GABPB2: variants seen among roughly 807,000 people sequenced by gnomAD.
GABPB2 encodes GA-binding protein subunit beta-2.
A neutral mutation model predicts 39.1 loss-of-function variants in GABPB2; 23 were observed. That is an observed-to-expected ratio of 0.59 (90% CI 0.42 to 0.83). The LOEUF (loss-of-function observed/expected upper bound fraction) is 0.83, where lower values mean the gene tolerates loss of function less well. GABPB2 is among the 40% of genes least tolerant of loss of function. GABPB2 has a pLI of 0.00. For missense variants in GABPB2, 467 were observed against 541.1 expected (o/e 0.86, Z 1.36); for synonymous variants, 184 against 199.3 (o/e 0.92, Z 0.65).
intron 6 of GABPB2, among the ~76,000 whole-genome samples, chr1:151,104,074 C>T (rs1558150785): frequency 6.6e-6 from 1 of 152,156 alleles, no homozygotes; most frequent in Non-Finnish European, 1.5e-5. Context: ...ATACATGGGA[C>T]TGGTACCTTT....
At chr1:151,075,708 CA>C (rs781233999) in intron 1 of GABPB2, among the ~76,000 whole-genome samples, 25 of 147,398 alleles carry the variant, frequency 1.7e-4, no homozygotes, top group Non-Finnish European at 3.2e-4. Flanking sequence ...GACTTCATCT[CA>C]AAAAAACCCC....
chr1:151,091,469 A>C (rs1490058912), intron 3 of GABPB2, among the ~76,000 whole-genome samples: 48,451 of 79,858 alleles, frequency 0.61, 15,938 homozygotes, highest in East Asian at 0.83. Flanking sequence ...GTGTCTCAAA[A>C]AAAAAAAAAA....
chr1:151,094,576 T>C (rs1678968220), intron 4 of GABPB2, among the ~76,000 whole-genome samples: 1 of 150,994 alleles, frequency 6.6e-6, no homozygotes, highest in East Asian at 2.0e-4. Context: ...CTTGAACCCC[T>C]GACCTCAGGT....
At chr1:151,101,128 C>T (rs1473605414) in intron 5 of GABPB2, among the ~76,000 whole-genome samples, 1 of 151,874 alleles carries the variant, frequency 6.6e-6, no homozygotes, top group African/African-American at 2.4e-5. Flanking sequence ...TGATGCACAC[C>T]TGTAGTCCCA....
intron 2 of GABPB2, among the ~76,000 whole-genome samples, chr1:151,089,532 C>G (rs1678488079): frequency 6.6e-6 from 1 of 152,216 alleles, no homozygotes; most frequent in Non-Finnish European, 1.5e-5. Flanking sequence ...TCTCATCATT[C>G]ATTTTGCCCT....
chr1:151,076,460 TATTC>T (rs1204275533), intron 1 of GABPB2, among the ~76,000 whole-genome samples: 3 of 152,138 alleles, frequency 2.0e-5, no homozygotes, highest in Admixed American at 6.6e-5. Flanking sequence ...GACAGAGTCT[TATTC>T]AGTCACCTAG....
chr1:151,095,536 C>G (rs1289293191), intron 4 of GABPB2, among the ~76,000 whole-genome samples: 2 of 152,156 alleles, frequency 1.3e-5, no homozygotes, highest in Non-Finnish European at 2.9e-5. Flanking sequence ...TTAGGCCAGG[C>G]AAGGGCCAAT....
chr1:151,080,446 G>A (rs1677572897), intron 1 of GABPB2, among the ~76,000 whole-genome samples: 1 of 151,234 alleles, frequency 6.6e-6, no homozygotes, highest in African/African-American at 2.4e-5. Context: ...AGGAGGCAGA[G>A]GTTGCAGTGA....
At chr1:151,085,893 A>T (rs764976778) in intron 1 of GABPB2, among the ~76,000 whole-genome samples, 3 of 152,092 alleles carry the variant, frequency 2.0e-5, no homozygotes, top group Non-Finnish European at 2.9e-5. Context: ...TTGGGATTCT[A>T]TTGCTATGGA....
chr1:151,080,001 G>A (rs587667470), intron 1 of GABPB2, among the ~76,000 whole-genome samples: 9 of 151,954 alleles, frequency 5.9e-5, no homozygotes, highest in African/African-American at 2.2e-4. Context: ...TGGATCGCGA[G>A]GTCAGGAGTT....
chr1:151,093,294 G>A lies in GABPB2; in HGVS notation c.379G>A (p.Gly127Arg), dbSNP rs1401938313. The change falls in exon 4 of 9, where the codon GGA becomes AGA. Residue 127 changes from glycine (G) to arginine (R), a missense_variant. Gly to Arg is a moderately radical substitution (Grantham distance 125, BLOSUM62 -2). Coordinates refer to ENST00000368918, the MANE Select transcript of GABPB2 (RefSeq NM_144618.3). ...RDVVELLIKY[G>R]ADVHAFSKFD... ...TGTCGTAGAGTTACTTATCAAATAT[G>A]GAGCTGATGTCCATGCTTTCAGCAA... The A allele has an allele frequency of 6.2e-7, 1 of 1,612,850 alleles. No individual in the cohort carries two copies. Among genetic ancestry groups the A allele is most frequent in the South Asian group, 1.1e-5 (1 of 90,724 alleles).
rs587751122 is a variant in GABPB2 at position 151,076,091 on chromosome 1, T to G, written c.-1+5157T>G. ...CTGGAAGATTAAAAGGTGTTCAGTT[T>G]AAGAAAACATTCAGTAAGCTTATCC... On this transcript the variant is annotated intron_variant, in intron 1 of 8. Transcript: ENST00000368918. 5.9e-5 allele frequency among the ~76,000 whole-genome samples: 9 copies of G among 152,306 alleles called. 1 individual carries two copies. In the South Asian group the frequency reaches 1.9e-3, roughly 32 times the overall value.
intron 1 of GABPB2, among the ~76,000 whole-genome samples, chr1:151,087,147 G>A (rs974519946): frequency 4.9e-5 from 7 of 144,148 alleles, no homozygotes; most frequent in Non-Finnish European, 1.1e-4. Flanking sequence ...GAGCCACCGC[G>A]CCCAGCCAAT....
At position 151,074,112 on chromosome 1, in the gene GABPB2, A is replaced by G. The variant is rs1307271970; in HGVS notation, c.-1+3178A>G. Among the ~76,000 whole-genome samples the G allele has an allele frequency of 6.1e-5, 9 of 147,428 alleles. No homozygotes were observed. In the East Asian group the frequency reaches 1.9e-3, roughly 31 times the overall value. ...TGCCTCAGCCTCCTGAGTAGCTGGA[A>G]TTACAGTCACCTGCCACGGCGCCCG... On this transcript the variant is annotated intron_variant, in intron 1 of 8. Transcript: ENST00000368918.
intron 1 of GABPB2, among the ~76,000 whole-genome samples, chr1:151,075,274 C>T (rs895682612): frequency 6.6e-6 from 1 of 151,734 alleles, no homozygotes; most frequent in African/African-American, 2.4e-5. Flanking sequence ...ACTAAAAATA[C>T]AAAAAATTGG....
chr1:151,082,391 TC>T lies in GABPB2; in HGVS notation c.1-5798del, dbSNP rs1180352120. ...TGCGTCTGGCCAACAAGTGGTAATT[TC>T]TTTTTTTTTTTTTTTTTTTTTTTTT... On this transcript the variant is annotated intron_variant, in intron 1 of 8. Coordinates refer to ENST00000368918, the MANE Select transcript of GABPB2 (RefSeq NM_144618.3). 5.0e-3 allele frequency among the ~76,000 whole-genome samples: 602 copies of T among 119,672 alleles called. 15 individuals carry two copies. The highest frequency in any genetic ancestry group is 0.017 in the African/African-American group (544 of 32,550). The allele number at this position is 119,672 out of a possible 152,430, so 78.5% of individuals were successfully genotyped here.
intron 1 of GABPB2, among the ~76,000 whole-genome samples, chr1:151,079,769 G>A (rs1478711867): frequency 2.0e-5 from 3 of 151,936 alleles, no homozygotes; most frequent in Non-Finnish European, 4.4e-5. Flanking sequence ...GGTGACACAT[G>A]CCTGTAATAC....
At chr1:151,108,078 G>A (rs1680111479) in intron 7 of GABPB2, among the ~76,000 whole-genome samples, 1 of 152,202 alleles carries the variant, frequency 6.6e-6, no homozygotes, top group Non-Finnish European at 1.5e-5. Flanking sequence ...TAAATCACTT[G>A]TGAGAGTGCA....
At chr1:151,098,562 C>G (rs7537292) in intron 5 of GABPB2, among the ~76,000 whole-genome samples, 13,343 of 149,360 alleles carry the variant, frequency 0.089, 729 homozygotes, top group African/African-American at 0.15. Flanking sequence ...TATGCCTAGA[C>G]CAAAAATGAA....
Sources: gnomAD v4.1 joint callset for allele counts (sites outside exome capture counted in the v4.1 genomes callset) on GRCh38, gnomAD v4.1.1 for gene constraint, MANE v1.5 for transcripts, NCBI Gene and HGNC (gene_info 2026-07-23, HGNC 2026-07-21) for gene names.